The following PRKG2 variants were observed in gnomAD, a reference collection of about 807,000 sequenced individuals.
PRKG2 encodes the protein protein kinase cGMP-dependent 2, also known as cGMP-dependent protein kinase 2.
In PRKG2, 33 loss-of-function variants were observed where a neutral mutation model predicts 97.2. The ratio of observed to expected loss-of-function variants is 0.34; its 90% CI spans 0.26 to 0.45. PRKG2 has a LOEUF of 0.45. Ranked by LOEUF, PRKG2 falls within the 20% of genes least tolerant of loss-of-function variation. The probability of loss-of-function intolerance (pLI) is 1.00; values close to 1 mark genes in which losing one functional copy is unlikely to be tolerated. For missense variants in PRKG2, 638 were observed against 900.0 expected (o/e 0.71, Z 3.73); for synonymous variants, 330 against 321.8 (o/e 1.03, Z -0.27).
chr4:81,202,313 A>C (rs1342529282), intron 2 of PRKG2, among the ~76,000 whole-genome samples: 1 of 152,210 alleles, frequency 6.6e-6, no homozygotes, highest in Non-Finnish European at 1.5e-5. Context: ...AAAAATTTTA[A>C]ATTTCTGAAT....
chr4:81,135,045 A>G (rs1578398961), intron 14 of PRKG2, 110 bp downstream of exon 14: 1 of 1,096,274 alleles, frequency 9.1e-7, no homozygotes, highest in East Asian at 2.5e-5. Context: ...CATACTGCCA[A>G]AGAGAGAATA....
chr4:81,137,138 G>C (rs1746786913), intron 13 of PRKG2, among the ~76,000 whole-genome samples: 1 of 150,476 alleles, frequency 6.6e-6, no homozygotes, highest in South Asian at 2.1e-4. Flanking sequence ...CTTTATACTA[G>C]TCATGTAACC....
At chr4:81,149,115 T>A (rs926898678) in intron 8 of PRKG2, among the ~76,000 whole-genome samples, 163 bp from the exon 9 acceptor site, 6 of 152,080 alleles carry the variant, frequency 3.9e-5, no homozygotes, top group Admixed American at 3.3e-4. Context: ...CAAAAAAAGA[T>A]TTGAAATGTG....
chr4:81,096,278 A>C (rs1259702683), intron 17 of PRKG2, among the ~76,000 whole-genome samples: 1 of 152,208 alleles, frequency 6.6e-6, no homozygotes, highest in East Asian at 1.9e-4. Flanking sequence ...ATAGTGGCTC[A>C]TGCCTACAAT....
At chr4:81,147,349 T>A (rs1747953923) in intron 9 of PRKG2, among the ~76,000 whole-genome samples, 1 of 152,184 alleles carries the variant, frequency 6.6e-6, no homozygotes, top group Admixed American at 6.6e-5. Context: ...TTAAGGAACA[T>A]ATATAGAAAA....
At chr4:81,152,630 G>A (rs1748526733) in intron 7 of PRKG2, among the ~76,000 whole-genome samples, 1 of 152,202 alleles carries the variant, frequency 6.6e-6, no homozygotes, top group African/African-American at 2.4e-5. Context: ...AAAAAGCCCT[G>A]TTTGTGGCTA....
chr4:81,203,023 T>C (rs1007853568), intron 2 of PRKG2, among the ~76,000 whole-genome samples: 11 of 151,888 alleles, frequency 7.2e-5, no homozygotes, highest in Non-Finnish European at 1.0e-4. Context: ...TAATAGATTA[T>C]ACTTACGTGT....
chr4:81,105,887 G>C lies in PRKG2; in HGVS notation c.1989C>G (p.Leu663=), dbSNP rs934995848. Residue 663 remains leucine (L), a synonymous_variant, in exon 16 of 19, where the codon CTC becomes CTG. Coordinates refer to ENST00000264399, the MANE Select transcript of PRKG2 (RefSeq NM_006259.3). ...VDQMMTYNLI[L]KGIEKMDFPR... is the part of the protein sequence containing the mutation. ...GAAAATCCATTTTTTCAATTCCTTT[G>C]AGAATCAAATTGTAGGTCATCATTT... 6.2e-7 allele frequency: 1 copy of C among 1,613,600 alleles called. No homozygotes were observed. Among genetic ancestry groups the C allele is most frequent in the Non-Finnish European group, 8.5e-7 (1 of 1,179,780 alleles).
intron 4 of PRKG2, among the ~76,000 whole-genome samples, chr4:81,171,280 T>C (rs772754568): frequency 1.3e-5 from 2 of 151,994 alleles, no homozygotes; most frequent in African/African-American, 2.4e-5. Flanking sequence ...TTTCTGTTCC[T>C]GTGTTAGTTT....
upstream of PRKG2, among the ~76,000 whole-genome samples, chr4:81,216,875 G>C (rs1009407871): frequency 1.5e-4 from 22 of 142,514 alleles, no homozygotes; most frequent in Admixed American, 2.8e-4. Context: ...TGTTTTTGTG[G>C]CTGGGTAGTA....
intron 12 of PRKG2, 119 bp from the exon 13 acceptor site, chr4:81,137,601 C>T (rs1578403095): frequency 4.0e-6 from 3 of 747,072 alleles, no homozygotes; most frequent in East Asian, 5.2e-5. Flanking sequence ...CATATAAATA[C>T]CCCACAACTA....
chr4:81,139,863 T>C (rs1324174461), intron 12 of PRKG2, among the ~76,000 whole-genome samples: 1 of 152,042 alleles, frequency 6.6e-6, no homozygotes, highest in Non-Finnish European at 1.5e-5. Flanking sequence ...TTTAGTACTG[T>C]TGCTGTGACT....
At position 81,140,707 on chromosome 4, in the gene PRKG2, A is replaced by G. The variant is rs756935942; in HGVS notation, c.1408-38T>C. On this transcript the variant is annotated intron_variant, in intron 11 of 18. Transcript: ENST00000264399. ...TGGAAAGATACCTCAAAATTAACTTATATCTATATAAAACACACTAATCAA... is the reference window on the plus strand; with the variant it reads ...TGGAAAGATACCTCAAAATTAACTTGTATCTATATAAAACACACTAATCAA... 5.2e-6 allele frequency: 8 copies of G among 1,549,554 alleles called. No individual in the cohort carries two copies. The African/African-American group carries it at 8.2e-5, about 16-fold the overall frequency.
intron 14 of PRKG2, among the ~76,000 whole-genome samples, chr4:81,112,473 C>T (rs146985353): frequency 0.022 from 3,325 of 152,232 alleles, 57 homozygotes; most frequent in Non-Finnish European, 0.033. Context: ...AGACTTTTGA[C>T]GCATTTCTTT....
intron 2 of PRKG2, 21 bp downstream of exon 2, chr4:81,204,566 A>G: frequency 6.3e-7 from 1 of 1,597,118 alleles, no homozygotes; most frequent in Non-Finnish European, 8.6e-7. Context: ...TCTGAGTTTA[A>G]AGGATGCGGA....
intron 12 of PRKG2, among the ~76,000 whole-genome samples, chr4:81,139,498 T>C (rs1483848512): frequency 6.6e-6 from 1 of 152,038 alleles, no homozygotes; most frequent in Non-Finnish European, 1.5e-5. Flanking sequence ...CTGGGCGCAG[T>C]GGCTCACGCC....
rs529320870 is a variant in PRKG2 at position 81,155,997 on chromosome 4, G to A, written c.913-2276C>T. On this transcript the variant is annotated intron_variant, in intron 6 of 18. Coordinates refer to ENST00000264399, the MANE Select transcript of PRKG2 (RefSeq NM_006259.3). ...ATCATGCCAAAATGTAAAGACCATC[G>A]AGACTAGGAAGAAACTGTATCAACT... Among the ~76,000 whole-genome samples the A allele has an allele frequency of 5.6e-3, 809 of 143,724 alleles. 6 individuals carry two copies. Among genetic ancestry groups the A allele is most frequent in the African/African-American group, 0.014 (547 of 38,784 alleles). The allele number at this position is 143,724 out of a possible 152,430, so 94.3% of individuals were successfully genotyped here. A position where few individuals can be genotyped will look rare whatever the true frequency, so the allele number is the denominator to read the frequency against.
At chr4:81,203,927 C>T (rs1197010919) in intron 2 of PRKG2, among the ~76,000 whole-genome samples, 3 of 152,154 alleles carry the variant, frequency 2.0e-5, no homozygotes, top group Non-Finnish European at 4.4e-5. Context: ...CTTCTGTTGT[C>T]TCCCTGACCT....
intron 2 of PRKG2, among the ~76,000 whole-genome samples, chr4:81,204,329 C>A (rs1291550974): frequency 1.3e-5 from 2 of 152,052 alleles, no homozygotes; most frequent in East Asian, 1.9e-4. Flanking sequence ...ATTTCACACC[C>A]CTAGGGTTTT....
Sources: allele counts gnomAD v4.1 joint callset (sites outside exome capture counted in the v4.1 genomes callset), GRCh38; gene constraint gnomAD v4.1.1; transcripts MANE v1.5; gene names NCBI Gene and HGNC (gene_info 2026-07-23, HGNC 2026-07-21).